Variants in ILF2 observed in about 807,000 individuals in gnomAD.
ILF2 encodes interleukin enhancer binding factor 2, also known as interleukin enhancer-binding factor 2.
Under a neutral mutation model 55.3 loss-of-function variants are expected in ILF2, and 9 were observed. The ratio of observed to expected loss-of-function variants is 0.16; its 90% CI spans 0.10 to 0.28. The LOEUF (loss-of-function observed/expected upper bound fraction) is 0.28. Among genes scored for constraint, ILF2 ranks in the 10% least tolerant of loss-of-function variants. The pLI is 1.00. For missense variants in ILF2, 266 were observed against 474.9 expected (o/e 0.56, Z 4.09); for synonymous variants, 151 against 161.8 (o/e 0.93, Z 0.50).
chr1:153,663,365 GTCA>G lies in ILF2; in HGVS notation c.745-92_745-90del. 2.4e-6 allele frequency: 3 copies of G among 1,256,956 alleles called. No individual in the cohort carries two copies. The Admixed American group carries it at 5.2e-5, about 22-fold the overall frequency. 77.9% of individuals were successfully genotyped at this position (1,256,956 alleles called of 1,614,324 possible). A position where few individuals can be genotyped will look rare whatever the true frequency, so the allele number is the denominator to read the frequency against. On this transcript the variant is annotated intron_variant, in intron 10 of 13. Coordinates refer to ENST00000361891, the MANE Select transcript of ILF2 (RefSeq NM_004515.4). Reference sequence around the variant, plus strand: ...TTTTTTAGAGACAGGGCCTCACTTTGTCATCCAGGCTGGAGTGCAGTGGCGCAA... The same window carrying G: ...TTTTTTAGAGACAGGGCCTCACTTTGTCCAGGCTGGAGTGCAGTGGCGCAA...
intron 6 of ILF2, among the ~76,000 whole-genome samples, chr1:153,667,113 T>A (rs1411867433): frequency 6.6e-6 from 1 of 151,952 alleles, no homozygotes; most frequent in Non-Finnish European, 1.5e-5. Flanking sequence ...CAGAGTGAGA[T>A]CCGTCTCAAA....
intron 10 of ILF2, 58 bp from the exon 11 acceptor site, chr1:153,663,334 A>AC: frequency 6.7e-7 from 1 of 1,498,544 alleles, no homozygotes; most frequent in Non-Finnish European, 9.3e-7. Flanking sequence ...GATAACTAGA[A>AC]CTTTATTTTT....
At chr1:153,669,544 G>A (rs944997791) in intron 3 of ILF2, among the ~76,000 whole-genome samples, 8 of 151,726 alleles carry the variant, frequency 5.3e-5, no homozygotes, top group Non-Finnish European at 7.4e-5. Context: ...TCCGCGTCCC[G>A]GGTTCAAGCA....
chr1:153,663,291 A>G lies in ILF2; in HGVS notation c.745-15T>C, dbSNP rs756400755. ...GCATAATGGCCCTGAAAAATAATAAATCCAGTAGGTGTGCCATCAAAATGG... is the reference window on the plus strand; with the variant it reads ...GCATAATGGCCCTGAAAAATAATAAGTCCAGTAGGTGTGCCATCAAAATGG... On this transcript the variant is annotated splice_polypyrimidine_tract_variant and intron_variant, in intron 10 of 13. Transcript: ENST00000361891. The G allele has an allele frequency of 4.3e-6, 7 of 1,612,636 alleles. No individual in the cohort carries two copies. The East Asian group carries it at 6.7e-5, about 15-fold the overall frequency.
At position 153,662,243 on chromosome 1, in the gene ILF2, C is replaced by A. The variant is rs15407; in HGVS notation, c.*153G>T. On this transcript the variant is annotated 3_prime_UTR_variant, in exon 14 of 14. Transcript: ENST00000361891. ...GGGAGACTGGCAGCTAAGCCAATATCAAAACCCAGTGGAATGACACTTCTA... is the reference window on the plus strand; with the variant it reads ...GGGAGACTGGCAGCTAAGCCAATATAAAAACCCAGTGGAATGACACTTCTA... The A allele has an allele frequency of 4.7e-3, 4,448 of 946,236 alleles. 131 individuals carry two copies. In the African/African-American group the frequency reaches 0.065, roughly 14 times the overall value. The allele number at this position is 946,236 out of a possible 1,614,324, so 58.6% of individuals were successfully genotyped here.
chr1:153,665,577 T>C (rs1571335346), intron 7 of ILF2, 86 bp downstream of exon 7: 1 of 1,162,756 alleles, frequency 8.6e-7, no homozygotes. Context: ...CCATCTGGTC[T>C]GATCTGATTT....
chr1:153,664,307 T>C (rs1007612873), intron 9 of ILF2, 89 bp downstream of exon 9: 1 of 1,194,004 alleles, frequency 8.4e-7, no homozygotes, highest in African/African-American at 1.5e-5. Flanking sequence ...ACAGGCAAAA[T>C]AGTTCTGTCA....
intron 7 of ILF2, 33 bp downstream of exon 7, chr1:153,665,630 C>T (rs747836924): frequency 4.5e-6 from 7 of 1,554,218 alleles, no homozygotes; most frequent in Non-Finnish European, 6.2e-6. Flanking sequence ...GTTCCTATGG[C>T]TACTAAATAC....
chr1:153,662,425 C>T lies in ILF2; in HGVS notation c.1144G>A (p.Glu382Lys), dbSNP rs1034846782. The change falls in exon 14 of 14, where the codon GAA becomes AAA. Residue 382 changes from glutamate (E) to lysine (K), a missense_variant. By Grantham distance (56) the Glu-to-Lys change is moderately conservative. Transcript: ENST00000361891. Reference protein sequence around the residue: ...ENTEEPPQGEEEESMETQE With the variant: ...ENTEEPPQGEKEESMETQE ...TCCTGAGTTTCCATGCTTTCTTCTT[C>T]CTCTCCTTGAGGTGGTTCTTCTGTA... The T allele has an allele frequency of 6.2e-7, 1 of 1,613,992 alleles. No individual in the cohort carries two copies. The highest frequency in any genetic ancestry group is 8.5e-7 in the Non-Finnish European group (1 of 1,179,886).
intron 6 of ILF2, among the ~76,000 whole-genome samples, chr1:153,666,594 C>A (rs1190621309): frequency 6.6e-6 from 1 of 152,108 alleles, no homozygotes; most frequent in Non-Finnish European, 1.5e-5. Flanking sequence ...TCAAGTGATC[C>A]TCTTGCCTCA....
chr1:153,668,773 C>A (rs1271258237), intron 3 of ILF2, among the ~76,000 whole-genome samples: 2 of 152,004 alleles, frequency 1.3e-5, no homozygotes, highest in Non-Finnish European at 2.9e-5. Context: ...TGGCTCACAC[C>A]TGTAATCCCA....
At chr1:153,668,122 G>T in intron 4 of ILF2, 45 bp from the exon 5 acceptor site, 1 of 1,388,446 alleles carries the variant, frequency 7.2e-7, no homozygotes, top group Non-Finnish European at 1.0e-6. Flanking sequence ...AAAATTATAA[G>T]CAATTTCTCA....
chr1:153,663,144 G>C lies in ILF2; in HGVS notation c.807-11C>G, dbSNP rs201951589. On this transcript the variant is annotated splice_polypyrimidine_tract_variant and intron_variant, in intron 11 of 13. Transcript: ENST00000361891. ...ATCTGCAAGCAGCGCCTAGAACACA[G>C]GGAGGTATGAGGTATTAAAGGAATG... 5 of 1,613,774 alleles carry C rather than the reference G, an allele frequency of 3.1e-6. No homozygotes were observed. The highest frequency in any genetic ancestry group is 1.6e-4 in the Middle Eastern group (1 of 6,084).
At position 153,665,310 on chromosome 1, in the gene ILF2, C is replaced by T; in HGVS notation, c.487G>A (p.Gly163Ser). 2 of 1,612,904 alleles carry T rather than the reference C, an allele frequency of 1.2e-6. No homozygotes were observed. The highest frequency in any genetic ancestry group is 1.7e-6 in the Non-Finnish European group (2 of 1,178,902). The change falls in exon 8 of 14, where the codon GGC becomes AGC. Residue 163 changes from glycine to serine, a missense_variant. Gly to Ser is a moderately conservative substitution (Grantham distance 56). Coordinates refer to ENST00000361891, the MANE Select transcript of ILF2 (RefSeq NM_004515.4). ...GCATCAGAAGAACTGATTTCAAAGC[C>T]AGTTTCGTTGGTCAGCATGGTTAAA... The part of the protein sequence containing the change: ...EVLTMLTNET[G>S]FEISSSDATV...
intron 6 of ILF2, among the ~76,000 whole-genome samples, chr1:153,666,808 G>T (rs1294965782): frequency 6.6e-6 from 1 of 152,214 alleles, no homozygotes. Flanking sequence ...TCCAGCGTTT[G>T]TCCCTTATCA....
chr1:153,665,569 A>G, intron 7 of ILF2, 94 bp downstream of exon 7: 1 of 1,100,008 alleles, frequency 9.1e-7, no homozygotes, highest in African/African-American at 1.5e-5. Flanking sequence ...TTACTCTTCC[A>G]TCTGGTCTGA....
At chr1:153,667,521 T>C in intron 6 of ILF2, 34 bp downstream of exon 6, 1 of 1,404,676 alleles carries the variant, frequency 7.1e-7, no homozygotes, top group Non-Finnish European at 1.0e-6. Context: ...AAGTGCTATG[T>C]TCTGTTCCCA....
intron 6 of ILF2, among the ~76,000 whole-genome samples, chr1:153,666,268 C>G (rs1021512581): frequency 3.9e-5 from 6 of 152,180 alleles, no homozygotes; most frequent in African/African-American, 1.4e-4. Flanking sequence ...ACTCCAACCT[C>G]TGCCTCCCAG....
In ILF2 at chr1:153,665,513, C is replaced by T. The variant is rs746837306; in HGVS notation, c.460+150G>A. The T allele has an allele frequency of 5.1e-6, 4 of 784,398 alleles. No individual in the cohort carries two copies. In the Admixed American group the frequency reaches 6.0e-5, roughly 12 times the overall value. The allele number at this position is 784,398 out of a possible 1,614,324, so 48.6% of individuals were successfully genotyped here. ...ACAGATCTCCCTTGAACACCTTGAA[C>T]ACCTGAAGCCCCTGCCAAAAACTCC... is the stretch of plus-strand genomic sequence containing the variant. On this transcript the variant is annotated intron_variant, in intron 7 of 13. Transcript: ENST00000361891.
Sources: gnomAD v4.1 joint callset for allele counts (sites outside exome capture counted in the v4.1 genomes callset) on GRCh38, gnomAD v4.1.1 for gene constraint, MANE v1.5 for transcripts, NCBI Gene and HGNC (gene_info 2026-07-23, HGNC 2026-07-21) for gene names.